The following PJA2 variants were observed in gnomAD, a reference collection of about 807,000 sequenced individuals.
PJA2 encodes the protein praja ring finger ubiquitin ligase 2.
In PJA2, 25 loss-of-function variants were observed where a neutral mutation model predicts 69.3. The ratio of observed to expected loss-of-function variants is 0.36; its 90% CI spans 0.26 to 0.50. The LOEUF (loss-of-function observed/expected upper bound fraction) is 0.50, where lower values mean the gene tolerates loss of function less well. Ranked by LOEUF, PJA2 falls within the 20% of genes least tolerant of loss-of-function variation. The probability of loss-of-function intolerance (pLI) is 0.96; values close to 1 mark genes in which losing one functional copy is unlikely to be tolerated. For synonymous variants in PJA2, 308 were observed against 277.8 expected, an observed-to-expected ratio of 1.11 and a Z score of -1.08; for missense variants, 809 against 830.2, an observed-to-expected ratio of 0.97 and a Z score of 0.31.
chr5:109,356,944 T>C (rs1762422277), intron 6 of PJA2, among the ~76,000 whole-genome samples: 1 of 152,150 alleles, frequency 6.6e-6, no homozygotes, highest in African/African-American at 2.4e-5. Context: ...AGATTCCTCC[T>C]TTTCCTCTAG....
intron 1 of PJA2, among the ~76,000 whole-genome samples, chr5:109,406,034 A>G (rs1747682509): frequency 6.9e-6 from 1 of 144,038 alleles, no homozygotes; most frequent in African/African-American, 2.6e-5. Context: ...TCAATAAGAC[A>G]AACCCATTTT....
chr5:109,393,132 A>G (rs1468870648), intron 1 of PJA2, among the ~76,000 whole-genome samples: 1 of 152,122 alleles, frequency 6.6e-6, no homozygotes, highest in African/African-American at 2.4e-5. Flanking sequence ...TATATAACAT[A>G]CTCCTAAATA....
intron 1 of PJA2, among the ~76,000 whole-genome samples, chr5:109,394,581 T>C (rs1747365707): frequency 6.6e-6 from 1 of 152,204 alleles, no homozygotes; most frequent in South Asian, 2.1e-4. Flanking sequence ...CTTTTGTAAT[T>C]GGCAGAAAAA....
At chr5:109,339,795 G>T (rs1461644881) in intron 9 of PJA2, among the ~76,000 whole-genome samples, 1 of 152,096 alleles carries the variant, frequency 6.6e-6, no homozygotes, top group Non-Finnish European at 1.5e-5. Flanking sequence ...ATTCATCATG[G>T]ATTACCTACT....
chr5:109,366,885 ACT>A (rs1762592075), intron 5 of PJA2, among the ~76,000 whole-genome samples: 2 of 152,250 alleles, frequency 1.3e-5, no homozygotes, highest in Non-Finnish European at 1.5e-5. Context: ...TAATCCCAGC[ACT>A]TTGGGAGGCC....
intron 1 of PJA2, among the ~76,000 whole-genome samples, chr5:109,403,424 A>G (rs1490070138): frequency 1.3e-5 from 2 of 152,120 alleles, no homozygotes; most frequent in Non-Finnish European, 2.9e-5. Flanking sequence ...AAGAGTTCAC[A>G]TGCAAACTCT....
At chr5:109,391,460 T>A (rs183133844) in intron 1 of PJA2, among the ~76,000 whole-genome samples, 2 of 152,162 alleles carry the variant, frequency 1.3e-5, no homozygotes, top group South Asian at 4.1e-4. Flanking sequence ...GATATTCAAA[T>A]GAGAATAGTA....
chr5:109,356,498 A>G (rs571377817), intron 6 of PJA2, among the ~76,000 whole-genome samples: 9 of 152,290 alleles, frequency 5.9e-5, no homozygotes, highest in Admixed American at 2.6e-4. Flanking sequence ...AAATATTCCA[A>G]AATCTAGGAA....
intron 1 of PJA2, among the ~76,000 whole-genome samples, chr5:109,387,192 C>G (rs562496276): frequency 4.6e-5 from 7 of 152,222 alleles, no homozygotes; most frequent in South Asian, 4.1e-4. Context: ...ATTTCTCATA[C>G]TTTCTTATTC....
chr5:109,378,480 T>C lies in PJA2; in HGVS notation c.1007A>G (p.His336Arg). The C allele has an allele frequency of 6.2e-7, 1 of 1,614,218 alleles. No individual in the cohort carries two copies. Among genetic ancestry groups the C allele is most frequent in the Non-Finnish European group, 8.5e-7 (1 of 1,180,028 alleles). Residue 336 changes from histidine (H) to arginine (R), a missense_variant, in exon 4 of 10, where the codon CAT (histidine) becomes CGT (arginine). Physicochemically the swap from His to Arg is conservative, Grantham distance 29. This residue lies in a region of PJA2 where 700 missense variants were observed against 639.5 expected (regional missense o/e 1.09). Transcript: ENST00000361189. ...TTGAACACTTCTTTGTTTCGCCTCA[T>C]GCCTATTAAAACCTGTTTCTTGGTC... ...QVDQETGFNR[H>R]EAKQRSVQRW...
intron 3 of PJA2, 40 bp downstream of exon 3, chr5:109,381,463 A>G (rs1747046856): frequency 3.9e-6 from 6 of 1,547,626 alleles, no homozygotes; most frequent in South Asian, 3.5e-5. Context: ...CAATTCCTAT[A>G]TAACTATTAA....
chr5:109,381,448 A>G, intron 3 of PJA2, 55 bp downstream of exon 3: 1 of 1,473,068 alleles, frequency 6.8e-7, no homozygotes, highest in South Asian at 1.2e-5. Flanking sequence ...ATTTAATTAT[A>G]AGATCAATTC....
intron 7 of PJA2, among the ~76,000 whole-genome samples, chr5:109,354,283 A>C (rs369587373): frequency 1.4e-5 from 2 of 146,058 alleles, no homozygotes; most frequent in Non-Finnish European, 3.0e-5. Context: ...TCTATAGATT[A>C]GATATCTATG....
chr5:109,353,817 ATGTC>A (rs1762333234), intron 7 of PJA2, among the ~76,000 whole-genome samples: 3 of 127,006 alleles, frequency 2.4e-5, no homozygotes, highest in Non-Finnish European at 5.1e-5. Flanking sequence ...TATAGATTAG[ATGTC>A]TATGATATCT....
Position 109,378,417 on chromosome 5 carries a change from G to A in PJA2, c.1070C>T (p.Ser357Leu). ...REALEVEESG[S>L]DDLLIKCEEY... Reference sequence around the variant, plus strand: ...TTCACATTTTATTAAGAGGTCATCTGAGCCACTTTCCTCAACTTCCAAAGC... The same window carrying A: ...TTCACATTTTATTAAGAGGTCATCTAAGCCACTTTCCTCAACTTCCAAAGC... Residue 357 changes from serine to leucine, a missense_variant, in exon 4 of 10, where the codon TCA becomes TTA. Ser to Leu is a moderately radical substitution (Grantham distance 145, BLOSUM62 -2). This residue lies in a region of PJA2 where 700 missense variants were observed against 639.5 expected (regional missense o/e 1.09). Transcript: ENST00000361189. 1.6e-5 allele frequency: 26 copies of A among 1,614,092 alleles called. No homozygotes were observed. The highest frequency in any genetic ancestry group is 2.1e-5 in the Non-Finnish European group (25 of 1,180,002).
At chr5:109,341,064 C>T (rs1317925575) in intron 9 of PJA2, among the ~76,000 whole-genome samples, 7 of 140,516 alleles carry the variant, frequency 5.0e-5, no homozygotes, top group East Asian at 2.0e-4. Context: ...GCTGCCACCC[C>T]GTCTGGGAAG....
chr5:109,344,587 TA>T (rs2126987237), intron 8 of PJA2, 117 bp downstream of exon 8: 1 of 756,962 alleles, frequency 1.3e-6, no homozygotes, highest in South Asian at 2.5e-5. Context: ...ATCTGGTTTC[TA>T]TAAAAAAAAT....
Position 109,402,367 on chromosome 5 carries a change from A to C in PJA2, c.-88+7475T>G, listed in dbSNP as rs146627085. Reference sequence around the variant, plus strand: ...GATGGAAAATAATATACAAACACTAAAAGGAGGCTGGAGAGGCTGTATTAA... The same window carrying C: ...GATGGAAAATAATATACAAACACTACAAGGAGGCTGGAGAGGCTGTATTAA... On this transcript the variant is annotated intron_variant, in intron 1 of 9. Transcript: ENST00000361189. 3.0e-3 allele frequency among the ~76,000 whole-genome samples: 450 copies of C among 152,284 alleles called. 3 individuals are homozygous for C. Among genetic ancestry groups the C allele is most frequent in the Non-Finnish European group, 4.8e-3 (329 of 67,994 alleles).
intron 1 of PJA2, among the ~76,000 whole-genome samples, chr5:109,385,782 G>C (rs1418409139): frequency 6.6e-6 from 1 of 152,172 alleles, no homozygotes; most frequent in Non-Finnish European, 1.5e-5. Context: ...CTTGGAACCA[G>C]AAGTGCGGAT....
Sources: gnomAD v4.1 joint callset for allele counts (sites outside exome capture counted in the v4.1 genomes callset) on GRCh38, gnomAD v4.1.1 for gene constraint, gnomAD v4.1.1 regional missense constraint, MANE v1.5 for transcripts, NCBI Gene and HGNC (gene_info 2026-07-23, HGNC 2026-07-21) for gene names.